Variants in WDR49 observed in about 807,000 individuals in gnomAD.
WDR49 encodes WD repeat domain 49.
A neutral mutation model predicts 119.5 loss-of-function variants in WDR49; 107 were observed. The observed-to-expected ratio is 0.90, with a 90% CI of 0.77 to 1.05. WDR49 has a LOEUF of 1.05. WDR49 is among the 50% of genes least tolerant of loss of function. The pLI, the probability that WDR49 is intolerant of heterozygous loss-of-function variation, is 0.00. For synonymous variants in WDR49, 425 were observed against 418.8 expected (o/e 1.01, Z -0.18); for missense variants, 1,240 against 1,220.5 (o/e 1.02, Z -0.24).
intron 10 of WDR49, among the ~76,000 whole-genome samples, chr3:167,543,154 A>T (rs1045035625): frequency 2.6e-5 from 4 of 151,886 alleles, no homozygotes; most frequent in Admixed American, 2.6e-4. Flanking sequence ...TAAAAAAAAA[A>T]TGCCAACAAA....
chr3:167,593,018 C>T (rs1715220845), intron 7 of WDR49, among the ~76,000 whole-genome samples: 1 of 152,052 alleles, frequency 6.6e-6, no homozygotes, highest in Non-Finnish European at 1.5e-5. Flanking sequence ...CTCTTACTGC[C>T]CTTAGGATTC....
chr3:167,591,574 T>C (rs531066187), intron 7 of WDR49, among the ~76,000 whole-genome samples: 3 of 152,296 alleles, frequency 2.0e-5, no homozygotes, highest in Admixed American at 1.3e-4. Flanking sequence ...TTTATATATC[T>C]GGGTGCTCCC....
chr3:167,517,980 C>A (rs983421690), intron 16 of WDR49, among the ~76,000 whole-genome samples: 1 of 151,596 alleles, frequency 6.6e-6, no homozygotes, highest in Non-Finnish European at 1.5e-5. Flanking sequence ...TGAGAACATG[C>A]AGTGTTTGGT....
intron 5 of WDR49, among the ~76,000 whole-genome samples, chr3:167,615,582 C>T (rs1313242864): frequency 2.0e-5 from 3 of 151,604 alleles, no homozygotes; most frequent in Admixed American, 6.6e-5. Flanking sequence ...AGTCAAATTG[C>T]AAAATGGCTT....
At chr3:167,479,129 G>T in intron 18 of WDR49, 133 bp from the exon 19 acceptor site, 1 of 671,148 alleles carries the variant, frequency 1.5e-6, no homozygotes, top group Non-Finnish European at 2.4e-6. Context: ...GAGTGTATTT[G>T]GAAAAATTTT....
intron 4 of WDR49, 27 bp from the exon 5 acceptor site, chr3:167,620,630 A>T (rs1410368284): frequency 6.6e-7 from 1 of 1,508,958 alleles, no homozygotes; most frequent in Admixed American, 2.1e-5. Context: ...AAAGAACAAC[A>T]ATCGTGGACG....
chr3:167,505,394 T>G lies in WDR49; in HGVS notation c.2797A>C (p.Asn933His). ...CTTTCCTTATATTTTATATCTAAAT[T>G]TATATCTTCTGATGGTCTGACACTG... ...TYNVRPSEDI[N>H]LDIKYKERST... The change falls in exon 17 of 19, where the codon AAT becomes CAT. Residue 933 changes from asparagine to histidine, a missense_variant. Coordinates refer to ENST00000682715, the MANE Select transcript of WDR49 (RefSeq NM_001366157.1). 6.6e-7 allele frequency: 1 copy of G among 1,523,524 alleles called. No individual in the cohort carries two copies. Among genetic ancestry groups the G allele is most frequent in the Non-Finnish European group, 8.7e-7 (1 of 1,144,620 alleles). 94.4% of individuals were successfully genotyped at this position (1,523,524 alleles called of 1,614,324 possible). A position where few individuals can be genotyped will look rare whatever the true frequency, so the allele number is the denominator to read the frequency against.
upstream of WDR49, among the ~76,000 whole-genome samples, chr3:167,656,424 G>A (rs1718604924): frequency 6.6e-6 from 1 of 152,170 alleles, no homozygotes; most frequent in Admixed American, 6.5e-5. Flanking sequence ...CACTAATGAG[G>A]GAAGGGAGAA....
chr3:167,609,633 C>T (rs1716246890), intron 5 of WDR49, among the ~76,000 whole-genome samples: 1 of 152,156 alleles, frequency 6.6e-6, no homozygotes, highest in Non-Finnish European at 1.5e-5. Flanking sequence ...GACTGCAACT[C>T]ATAGGTGAGT....
chr3:167,545,270 T>C (rs1230049822), intron 10 of WDR49, among the ~76,000 whole-genome samples: 1 of 151,588 alleles, frequency 6.6e-6, no homozygotes, highest in Non-Finnish European at 1.5e-5. Flanking sequence ...AGAACAATAC[T>C]ATGGAAAACA....
chr3:167,579,900 A>G (rs1714448016), intron 7 of WDR49, among the ~76,000 whole-genome samples: 1 of 152,128 alleles, frequency 6.6e-6, no homozygotes, highest in Non-Finnish European at 1.5e-5. Context: ...AAGAAATAGA[A>G]ACTAACTTCA....
chr3:167,486,979 C>G (rs1428284836), intron 18 of WDR49, among the ~76,000 whole-genome samples: 1 of 152,034 alleles, frequency 6.6e-6, no homozygotes, highest in Non-Finnish European at 1.5e-5. Flanking sequence ...CACATGCTTT[C>G]TCACAAAACA....
chr3:167,532,602 T>G (rs527848120), intron 12 of WDR49, among the ~76,000 whole-genome samples: 43 of 152,188 alleles, frequency 2.8e-4, no homozygotes, highest in African/African-American at 9.4e-4. Context: ...AAAAATAAAC[T>G]AAATAAAAAT....
chr3:167,496,313 C>T (rs1751351276), intron 18 of WDR49, among the ~76,000 whole-genome samples: 1 of 152,054 alleles, frequency 6.6e-6, no homozygotes. Flanking sequence ...TGTGGTCTGG[C>T]CCCCACCTAC....
intron 6 of WDR49, among the ~76,000 whole-genome samples, chr3:167,604,076 CATT>C (rs750039966): frequency 3.3e-5 from 5 of 152,026 alleles, no homozygotes; most frequent in Non-Finnish European, 7.4e-5. Context: ...AAAAAAAACT[CATT>C]AAAGCATTGG....
At chr3:167,592,346 A>G (rs1423938007) in intron 7 of WDR49, among the ~76,000 whole-genome samples, 1 of 152,058 alleles carries the variant, frequency 6.6e-6, no homozygotes, top group Non-Finnish European at 1.5e-5. Flanking sequence ...TAGCTTACAC[A>G]GCACAGTTAC....
At chr3:167,644,869 A>T (rs1718043168) in intron 2 of WDR49, among the ~76,000 whole-genome samples, 1 of 152,146 alleles carries the variant, frequency 6.6e-6, no homozygotes, top group Admixed American at 6.6e-5. Context: ...TGATGATTAT[A>T]AAAAGAACGT....
chr3:167,590,600 G>GT (rs946918848), intron 7 of WDR49, among the ~76,000 whole-genome samples: 13 of 152,036 alleles, frequency 8.6e-5, no homozygotes, highest in African/African-American at 3.1e-4. Context: ...GTCTGTTCAG[G>GT]TTTTGAAAAT....
chr3:167,619,239 T>C (rs1054841199), intron 5 of WDR49, among the ~76,000 whole-genome samples: 8 of 152,256 alleles, frequency 5.3e-5, no homozygotes, highest in Middle Eastern at 6.8e-3. Flanking sequence ...CAAATGAATA[T>C]GAATACAAAT....
Sources: gnomAD v4.1 joint callset for allele counts (sites outside exome capture counted in the v4.1 genomes callset) on GRCh38, gnomAD v4.1.1 for gene constraint, MANE v1.5 for transcripts, NCBI Gene and HGNC (gene_info 2026-07-23, HGNC 2026-07-21) for gene names.